The following NXPH1 variants were observed in gnomAD, a reference collection of about 807,000 sequenced individuals.
The protein encoded by NXPH1 is neurexophilin-1.
Under a neutral mutation model 23.7 loss-of-function variants are expected in NXPH1, and 5 were observed. The ratio of observed to expected loss-of-function variants is 0.21; its 90% CI spans 0.11 to 0.44. The LOEUF (loss-of-function observed/expected upper bound fraction) is 0.44, where lower values mean the gene tolerates loss of function less well. Ranked by LOEUF, NXPH1 falls within the 20% of genes least tolerant of loss-of-function variation. NXPH1 has a pLI of 0.99. For missense variants in NXPH1, 324 were observed against 321.6 expected (o/e 1.01, Z -0.06); for synonymous variants, 144 against 122.2 (o/e 1.18, Z -1.18).
intron 2 of NXPH1, among the ~76,000 whole-genome samples, chr7:8,739,172 A>T (rs979896073): frequency 2.4e-4 from 2 of 8,192 alleles, no homozygotes; most frequent in Non-Finnish European, 7.0e-4. Flanking sequence ...CCAGTGGGGT[A>T]AAAAAAAAAA....
At position 8,565,397 on chromosome 7, in the gene NXPH1, T is replaced by C. The variant is rs79983450; in HGVS notation, c.54+129630T>C. Among the ~76,000 whole-genome samples, 479 of 151,898 alleles carry C rather than the reference T, an allele frequency of 3.2e-3. 2 individuals are homozygous for C. The highest frequency in any genetic ancestry group is 0.011 in the African/African-American group (447 of 41,504). On this transcript the variant is annotated intron_variant, in intron 2 of 2. Coordinates refer to ENST00000405863, the MANE Select transcript of NXPH1 (RefSeq NM_152745.3). The stretch of plus-strand genomic sequence containing the variant: ...ATAAAGCAAGGAAGACATAAGTCAA[T>C]AGAGAAATTGAAACATAGAATCTAG...
chr7:8,619,733 T>A (rs1003697984), intron 2 of NXPH1, among the ~76,000 whole-genome samples: 1 of 152,204 alleles, frequency 6.6e-6, no homozygotes, highest in South Asian at 2.1e-4. Flanking sequence ...AGAAAAGGAA[T>A]AATTCTCTGC....
At chr7:8,698,068 G>A (rs933999378) in intron 2 of NXPH1, among the ~76,000 whole-genome samples, 1 of 152,162 alleles carries the variant, frequency 6.6e-6, no homozygotes, top group Non-Finnish European at 1.5e-5. Context: ...AACCAACGGG[G>A]AAAGGACAGT....
intron 2 of NXPH1, among the ~76,000 whole-genome samples, chr7:8,595,192 TATAAATAA>T (rs145588981): frequency 5.9e-5 from 9 of 151,436 alleles, no homozygotes; most frequent in South Asian, 4.1e-4. Context: ...CTTCTGCCAG[TATAAATAA>T]ATAAATAAAT....
intron 2 of NXPH1, among the ~76,000 whole-genome samples, chr7:8,526,522 G>T (rs1390525037): frequency 6.6e-6 from 1 of 152,122 alleles, no homozygotes; most frequent in Non-Finnish European, 1.5e-5. Flanking sequence ...GATATGGTTT[G>T]GCTGTTTCCC....
chr7:8,570,614 G>C (rs1818625816), intron 2 of NXPH1, among the ~76,000 whole-genome samples: 1 of 151,918 alleles, frequency 6.6e-6, no homozygotes, highest in Non-Finnish European at 1.5e-5. Flanking sequence ...TTTTCACAGA[G>C]AAAGTATGAC....
chr7:8,508,314 A>T (rs192268644), intron 2 of NXPH1, among the ~76,000 whole-genome samples: 1 of 152,258 alleles, frequency 6.6e-6, no homozygotes, highest in Admixed American at 6.5e-5. Context: ...ATGTGGAATC[A>T]GTAGTTGGCT....
rs564317704 is a variant in NXPH1 at position 8,603,015 on chromosome 7, C to T, written c.55-147993C>T. On this transcript the variant is annotated intron_variant, in intron 2 of 2. Transcript: ENST00000405863. ...TAGTAGAGACGGGGTTTTACCATGT[C>T]GGTCAGGTTGGTCTCGAACTTCTAG... is the stretch of plus-strand genomic sequence containing the variant. 4.6e-5 allele frequency among the ~76,000 whole-genome samples: 7 copies of T among 152,090 alleles called. No individual in the cohort carries two copies. In the South Asian group the frequency reaches 1.0e-3, roughly 23 times the overall value.
chr7:8,695,067 C>A (rs567779499), intron 2 of NXPH1, among the ~76,000 whole-genome samples: 1 of 152,096 alleles, frequency 6.6e-6, no homozygotes, highest in Non-Finnish European at 1.5e-5. Context: ...TTAAAACAGT[C>A]CTTTTAGGAA....
At chr7:8,601,462 C>T (rs1031145964) in intron 2 of NXPH1, among the ~76,000 whole-genome samples, 2 of 152,176 alleles carry the variant, frequency 1.3e-5, no homozygotes, top group African/African-American at 2.4e-5. Context: ...CCCAAGTTCT[C>T]AGCGCTCTCT....
At chr7:8,506,125 G>C (rs531339009) in intron 2 of NXPH1, among the ~76,000 whole-genome samples, 2 of 152,174 alleles carry the variant, frequency 1.3e-5, no homozygotes, top group South Asian at 4.1e-4. Flanking sequence ...TTTTATTGAA[G>C]TATAATTTAT....
chr7:8,532,632 AC>A (rs1817966281), intron 2 of NXPH1, among the ~76,000 whole-genome samples: 1 of 152,006 alleles, frequency 6.6e-6, no homozygotes, highest in South Asian at 2.1e-4. Context: ...GAGGTCTGAG[AC>A]CTTCCTGGGG....
intron 2 of NXPH1, among the ~76,000 whole-genome samples, chr7:8,710,234 A>G (rs79880688): frequency 0.032 from 4,835 of 152,256 alleles, 271 homozygotes; most frequent in African/African-American, 0.11. Context: ...TGGCAGACAG[A>G]AAGGTTGGGC....
At chr7:8,445,517 G>A (rs11980249) in intron 2 of NXPH1, among the ~76,000 whole-genome samples, 57,325 of 152,056 alleles carry the variant, frequency 0.38, 11,373 homozygotes, top group East Asian at 0.75. Flanking sequence ...GAGCTAAGAT[G>A]AAGATACAAA....
intron 2 of NXPH1, among the ~76,000 whole-genome samples, chr7:8,612,464 T>G (rs1819642735): frequency 6.6e-6 from 1 of 152,030 alleles, no homozygotes; most frequent in Admixed American, 6.6e-5. Flanking sequence ...CTTGAAATTT[T>G]ATAAGCATTC....
chr7:8,512,466 C>T (rs1490399317), intron 2 of NXPH1, among the ~76,000 whole-genome samples: 1 of 152,196 alleles, frequency 6.6e-6, no homozygotes, highest in Non-Finnish European at 1.5e-5. Flanking sequence ...GGGGACAATA[C>T]TGTGGCTCAT....
In NXPH1 at chr7:8,520,878, A is replaced by G. The variant is rs574862749; in HGVS notation, c.54+85111A>G. 5.3e-5 allele frequency among the ~76,000 whole-genome samples: 8 copies of G among 152,224 alleles called. No individual in the cohort carries two copies. The South Asian group carries it at 1.7e-3, about 32-fold the overall frequency. On this transcript the variant is annotated intron_variant, in intron 2 of 2. Transcript: ENST00000405863. Reference sequence around the variant, plus strand: ...ACTGCAGAATTCATTCTGTCCTTATAAAGCAGTGAAGGGGGACATTTCAAA... The same window carrying G: ...ACTGCAGAATTCATTCTGTCCTTATGAAGCAGTGAAGGGGGACATTTCAAA...
chr7:8,711,863 TG>T (rs1277711874), intron 2 of NXPH1, among the ~76,000 whole-genome samples: 6 of 152,144 alleles, frequency 3.9e-5, no homozygotes, highest in African/African-American at 1.2e-4. Context: ...AAGCAAATTT[TG>T]GGAAGGATAT....
At chr7:8,743,926 C>T (rs1380995225) in intron 2 of NXPH1, among the ~76,000 whole-genome samples, 1 of 151,994 alleles carries the variant, frequency 6.6e-6, no homozygotes, top group Non-Finnish European at 1.5e-5. Context: ...CCTTGTGATC[C>T]GCCCGCCTCG....
Sources: gnomAD v4.1 joint callset for allele counts (sites outside exome capture counted in the v4.1 genomes callset) on GRCh38, gnomAD v4.1.1 for gene constraint, MANE v1.5 for transcripts, NCBI Gene and HGNC (gene_info 2026-07-23, HGNC 2026-07-21) for gene names.